The following ZNF324B variants were observed in gnomAD, a reference collection of about 807,000 sequenced individuals.
The protein encoded by ZNF324B is zinc finger protein 324B.
ZNF324B carries 7 observed loss-of-function variants against 10.6 expected under a neutral mutation model. The ratio of observed to expected loss-of-function variants is 0.66; its 90% confidence interval spans 0.38 to 1.24. The LOEUF (loss-of-function observed/expected upper bound fraction) is 1.24. Among genes scored for constraint, ZNF324B ranks in the 50% most tolerant of loss-of-function variants. ZNF324B has a pLI of 0.02. For synonymous variants in ZNF324B, 316 were observed against 321.0 expected (o/e 0.98, Z 0.17); for missense variants, 640 against 764.7 (o/e 0.84, Z 1.92).
chr19:58,426,164 C>T, the ZNF324B span, among the ~76,000 whole-genome samples: 1 of 152,190 alleles, frequency 6.6e-6, no homozygotes, highest in Admixed American at 6.5e-5. Context: ...GCTTGGCTGA[C>T]TTCTCTGAGT....
the ZNF324B span, chr19:58,434,043 G>A: frequency 1.4e-5 from 22 of 1,614,038 alleles, no homozygotes; most frequent in Non-Finnish European, 1.9e-5. Context: ...TTTGGCTGAA[G>A]TCTCTTCCAC....
At chr19:58,426,498 A>G in the ZNF324B span, among the ~76,000 whole-genome samples, 1 of 152,306 alleles carries the variant, frequency 6.6e-6, no homozygotes, top group African/African-American at 2.4e-5. Flanking sequence ...CGCACAATTT[A>G]TTAGCAGTAG....
At chr19:58,434,177 T>C in the ZNF324B span, 5 of 1,614,094 alleles carry the variant, frequency 3.1e-6, no homozygotes, top group South Asian at 4.4e-5. Context: ...GTGTGAACTC[T>C]CCAGTGCTGA....
At chr19:58,437,163 G>A in the ZNF324B span, 3 of 1,613,748 alleles carry the variant, frequency 1.9e-6, no homozygotes, top group Non-Finnish European at 1.7e-6. Context: ...ATCTTCAAAG[G>A]TTACCATGCT....
the ZNF324B span, among the ~76,000 whole-genome samples, chr19:58,420,719 A>T: frequency 1.3e-5 from 2 of 150,788 alleles, no homozygotes; most frequent in East Asian, 2.0e-4. Flanking sequence ...ATTTTATTTT[A>T]TTTTTTTTGA....
At chr19:58,438,741 G>A in the ZNF324B span, among the ~76,000 whole-genome samples, 1 of 150,116 alleles carries the variant, frequency 6.7e-6, no homozygotes, top group Non-Finnish European at 1.5e-5. Flanking sequence ...CCAAAGTGCT[G>A]GGATTACAGG....
rs1482056884 is a variant in ZNF324B, at chr19:58,455,015, C to A, written c.239-168C>A. The A allele has an allele frequency of 5.6e-6, 5 of 898,642 alleles. No individual in the cohort carries two copies. Among genetic ancestry groups the A allele is most frequent in the Admixed American group, 4.0e-5 (2 of 50,552 alleles). 55.7% of individuals were successfully genotyped at this position (898,642 alleles called of 1,614,324 possible). A position where few individuals can be genotyped will look rare whatever the true frequency, so the allele number is the denominator to read the frequency against. On this transcript the variant is annotated intron_variant, in intron 3 of 3. Coordinates refer to ENST00000336614, the MANE Select transcript of ZNF324B (RefSeq NM_207395.3). The surrounding 1 kb of genome is among the most constrained non-coding windows in gnomAD (Gnocchi z 7.0). Reference sequence around the variant, plus strand: ...GCAGTCAGTGCCACACCTGTCAGGGCAGATGCTTCCTCCAAACCCCAGCCC... The same window carrying A: ...GCAGTCAGTGCCACACCTGTCAGGGAAGATGCTTCCTCCAAACCCCAGCCC...
chr19:58,422,868 G>A, the ZNF324B span, among the ~76,000 whole-genome samples: 1 of 152,082 alleles, frequency 6.6e-6, no homozygotes, highest in Non-Finnish European at 1.5e-5. Flanking sequence ...AATATATTTT[G>A]TTTTGTTTTT....
chr19:58,423,503 C>A, the ZNF324B span, among the ~76,000 whole-genome samples: 1 of 152,152 alleles, frequency 6.6e-6, no homozygotes, highest in Non-Finnish European at 1.5e-5. Context: ...CCAAAGCAAG[C>A]TACAGATTCA....
the ZNF324B span, chr19:58,440,250 T>G: frequency 8.2e-6 from 2 of 243,150 alleles, no homozygotes; most frequent in Non-Finnish European, 1.6e-5. Flanking sequence ...ATGACGCTAT[T>G]TCCCTATGCC....
At chr19:58,453,914 T>C in intron 2 of ZNF324B, 92 bp downstream of exon 2, 1 of 1,532,476 alleles carries the variant, frequency 6.5e-7, no homozygotes, top group Non-Finnish European at 8.8e-7. Flanking sequence ...GGATCAAATC[T>C]GGCCAGGGCC....
At chr19:58,435,192 C>T in the ZNF324B span, 1 of 1,610,108 alleles carries the variant, frequency 6.2e-7, no homozygotes, top group South Asian at 1.1e-5. Context: ...CCCCCTCACC[C>T]TCTACTCCAT....
Position 58,455,597 on chromosome 19 carries a change from G to T in ZNF324B, c.653G>T (p.Gly218Val). Residue 218 changes from glycine (G) to valine (V), a missense_variant, in exon 4 of 4, where the codon GGT (glycine) becomes GTT (valine). By Grantham distance (109) the Gly-to-Val change is moderately radical. This residue lies in a region of ZNF324B where 345 missense variants were observed against 387.9 expected (regional missense o/e 0.89). Transcript: ENST00000336614. The surrounding 1 kb of genome is among the most constrained non-coding windows in gnomAD (Gnocchi z 7.0). ...GCCTCGGACCTGAAGGCCGCCAGTGGTGGCAGGGATCGCAGAATGGGCGCA... is the reference window on the plus strand; with the variant it reads ...GCCTCGGACCTGAAGGCCGCCAGTGTTGGCAGGGATCGCAGAATGGGCGCA... ...GNASDLKAAS[G>V]GRDRRMGAAW... The T allele has an allele frequency of 6.2e-7, 1 of 1,614,102 alleles. No individual in the cohort carries two copies. The highest frequency in any genetic ancestry group is 8.5e-7 in the Non-Finnish European group (1 of 1,180,026).
the ZNF324B span, chr19:58,419,202 T>A: frequency 6.6e-6 from 1 of 152,164 alleles, no homozygotes; most frequent in Non-Finnish European, 1.5e-5. Flanking sequence ...CTTCTATATG[T>A]TTATGGACAT....
intron 3 of ZNF324B, chr19:58,454,749 C>T (rs1037093264): frequency 3.7e-5 from 21 of 565,154 alleles, no homozygotes; most frequent in Middle Eastern, 4.6e-4. Context: ...CTAGGGGAGA[C>T]GCAGTGAGTA....
At chr19:58,425,356 T>A in the ZNF324B span, among the ~76,000 whole-genome samples, 117 of 152,166 alleles carry the variant, frequency 7.7e-4, no homozygotes, top group African/African-American at 2.7e-3. Context: ...AGTGCTGGGA[T>A]TACAGGCGTG....
chr19:58,456,473 C>T lies in ZNF324B; in HGVS notation c.1529C>T (p.Ala510Val). The change falls in exon 4 of 4, where the codon GCC becomes GTC. Residue 510 changes from alanine (A) to valine (V), a missense_variant. This residue lies in a region of ZNF324B where 238 missense variants were observed against 258.0 expected (regional missense o/e 0.92). Transcript: ENST00000336614. This position sits in a 1 kb window ranked among gnomAD's most constrained non-coding sequence, Gnocchi z 4.7. ...QRIHTTEKTN[A>V]AAPDCTPGPG... Reference sequence around the variant, plus strand: ...ATCCACACCACAGAGAAGACCAATGCCGCAGCACCAGACTGCACCCCGGGG... The same window carrying T: ...ATCCACACCACAGAGAAGACCAATGTCGCAGCACCAGACTGCACCCCGGGG... The T allele has an allele frequency of 6.2e-7, 1 of 1,614,134 alleles. No homozygotes were observed.
At chr19:58,437,131 C>T in the ZNF324B span, 4 of 1,614,162 alleles carry the variant, frequency 2.5e-6, no homozygotes, top group Non-Finnish European at 3.4e-6. Flanking sequence ...TCCCACTCCT[C>T]TTGGGAGAAG....
the ZNF324B span, chr19:58,436,792 C>G: frequency 1.7e-6 from 1 of 600,630 alleles, no homozygotes; most frequent in Admixed American, 2.2e-5. Context: ...ATCTGTTAGG[C>G]AGACTGGAGG....
Sources: allele counts gnomAD v4.1 joint callset (sites outside exome capture counted in the v4.1 genomes callset), GRCh38; gene constraint gnomAD v4.1.1; regional missense constraint gnomAD v4.1.1; non-coding constraint Gnocchi (gnomAD v3.1); transcripts MANE v1.5; gene names NCBI Gene and HGNC (gene_info 2026-07-23, HGNC 2026-07-21).